Variants in COL18A1 observed in about 807,000 individuals in gnomAD.
COL18A1 encodes the protein collagen alpha-1(XVIII) chain.
Under a neutral mutation model 168.0 loss-of-function variants are expected in COL18A1, and 133 were observed. The observed-to-expected ratio is 0.79, with a 90% CI of 0.69 to 0.91. COL18A1 has a LOEUF of 0.91. Ranked by LOEUF, COL18A1 falls within the 40% of genes least tolerant of loss-of-function variation. The pLI is 0.00. For missense variants in COL18A1, 2,126 were observed against 1,925.4 expected (o/e 1.10, Z -1.95); for synonymous variants, 949 against 809.0 (o/e 1.17, Z -2.94).
rs1210693399 is a variant in COL18A1, at chr21:45,480,153, G to A, written c.1395G>A (p.Lys465=). ...CAGGACCCTCCTTCAGACACGACAAGCTGGTAAGTCCCGCCCTTGGCTTCC... is the reference window on the plus strand; with the variant it reads ...CAGGACCCTCCTTCAGACACGACAAACTGGTAAGTCCCGCCCTTGGCTTCC... ...GPPGPSFRHD[K]LTFIDMEGSG... Residue 465 remains lysine (K), a synonymous_variant, in exon 11 of 42, where the codon AAG becomes AAA. Transcript: ENST00000651438. 1.3e-6 allele frequency: 2 copies of A among 1,564,110 alleles called. No homozygotes were observed. The highest frequency in any genetic ancestry group is 8.8e-7 in the Non-Finnish European group (1 of 1,136,552).
chr21:45,441,510 C>T (rs116591355), intron 2 of COL18A1, among the ~76,000 whole-genome samples: 1,601 of 152,334 alleles, frequency 0.011, 26 homozygotes, highest in African/African-American at 0.037. Flanking sequence ...CAGCTCCTGG[C>T]CTGGAGGTGC....
chr21:45,510,239 C>T lies in COL18A1; in HGVS notation c.3671C>T (p.Ala1224Val), dbSNP rs1226295594. The stretch of plus-strand genomic sequence containing the variant: ...ATCGTGCGCCGTGCCGACCGCGCAG[C>T]CGTGCCCATCGTCAACCTCAAGGTG... ...YSIVRRADRAAVPIVNLKDEL... is the reference protein window; with the variant it reads ...YSIVRRADRAVVPIVNLKDEL... Residue 1224 changes from alanine to valine, a missense_variant, in exon 40 of 42, where the codon GCC (alanine) becomes GTC (valine). Ala to Val is a moderately conservative substitution (Grantham distance 64). Transcript: ENST00000651438. The T allele has an allele frequency of 4.4e-6, 7 of 1,605,894 alleles. No individual in the cohort carries two copies. In the African/African-American group the frequency reaches 6.7e-5, roughly 15 times the overall value.
chr21:45,504,411 C>T lies in COL18A1; in HGVS notation c.2728-5C>T, dbSNP rs751283786. On this transcript the variant is annotated splice_region_variant and splice_polypyrimidine_tract_variant and intron_variant, in intron 33 of 41. Coordinates refer to ENST00000651438, the MANE Select transcript of COL18A1 (RefSeq NM_001379500.1). ...CTCCCGTGTAACAAGTGTTTCCGTC[C>T]ACAGGGGGAGAAGGGAGACCGAGGT... 4 of 1,610,946 alleles carry T rather than the reference C, an allele frequency of 2.5e-6. No individual in the cohort carries two copies. The highest frequency in any genetic ancestry group is 2.2e-5 in the South Asian group (2 of 90,892).
chr21:45,506,042 G>A, intron 37 of COL18A1, 76 bp downstream of exon 37: 3 of 1,607,606 alleles, frequency 1.9e-6, no homozygotes, highest in South Asian at 1.1e-5. Flanking sequence ...GAAGGCGAGA[G>A]GCTCAGGCCC....
intron 32 of COL18A1, among the ~76,000 whole-genome samples, chr21:45,501,695 G>GA (rs1568935595): frequency 6.8e-6 from 1 of 147,072 alleles, no homozygotes; most frequent in Non-Finnish European, 1.5e-5. Flanking sequence ...ACCCCCAGGG[G>GA]CTCCACAGCC....
chr21:45,508,042 T>C (rs1290247184), intron 38 of COL18A1, among the ~76,000 whole-genome samples: 1 of 148,960 alleles, frequency 6.7e-6, no homozygotes, highest in Non-Finnish European at 1.5e-5. Context: ...AGTGGATACG[T>C]AGGTAGATGG....
In COL18A1 at chr21:45,477,457, T is replaced by C. The variant is rs776089474; in HGVS notation, c.975T>C (p.Ser325=). 4 of 1,612,564 alleles carry C rather than the reference T, an allele frequency of 2.5e-6. No individual in the cohort carries two copies. Among genetic ancestry groups the C allele is most frequent in the East Asian group, 2.2e-5 (1 of 44,828 alleles). Residue 325 remains serine (S), a synonymous_variant, in exon 7 of 42, where the codon AGT becomes AGC. Transcript: ENST00000651438. Reference sequence around the variant, plus strand: ...ATTCTGTCTCCACGTGGGACGGGAGTGTCCGGACCCCTGGGGGCCGCGTGA... The same window carrying C: ...ATTCTGTCTCCACGTGGGACGGGAGCGTCCGGACCCCTGGGGGCCGCGTGA... ...GSDSVSTWDG[S]VRTPGGRVKE... is the part of the protein sequence containing the mutation.
At chr21:45,488,644 C>T (rs1308417386) in intron 18 of COL18A1, among the ~76,000 whole-genome samples, 200 bp downstream of exon 18, 1 of 152,082 alleles carries the variant, frequency 6.6e-6, no homozygotes, top group Non-Finnish European at 1.5e-5. Flanking sequence ...AGACTTCCAG[C>T]GTTAAGGGGC....
At chr21:45,505,304 G>GGCAGA in intron 35 of COL18A1, 26 bp downstream of exon 35, 1 of 1,604,788 alleles carries the variant, frequency 6.2e-7, no homozygotes, top group Non-Finnish European at 8.5e-7. Context: ...GTGGGCCCCG[G>GGCAGA]GCAGAGGCCG....
intron 2 of COL18A1, among the ~76,000 whole-genome samples, chr21:45,455,195 G>A (rs1260630640): frequency 6.6e-6 from 1 of 152,258 alleles, no homozygotes. Context: ...CCCCAATCCA[G>A]AGACTCAGCA....
Position 45,443,778 on chromosome 21 carries a change from C to T in COL18A1, c.107-24464C>T, listed in dbSNP as rs902681696. 5.3e-5 allele frequency among the ~76,000 whole-genome samples: 8 copies of T among 152,172 alleles called. No homozygotes were observed. In the East Asian group the frequency reaches 7.7e-4, roughly 15 times the overall value. ...AGCAATGCGGCCCCGTGCCCCTTTA[C>T]GCGGCTCTGCTGGTGGAGAGGAATA... On this transcript the variant is annotated intron_variant, in intron 2 of 41. Coordinates refer to ENST00000651438, the MANE Select transcript of COL18A1 (RefSeq NM_001379500.1). This position sits in a 1 kb window ranked among gnomAD's most constrained non-coding sequence, Gnocchi z 5.2.
chr21:45,500,465 TGTG>T (rs1182228420), intron 32 of COL18A1, among the ~76,000 whole-genome samples: 2 of 67,022 alleles, frequency 3.0e-5, no homozygotes, highest in Non-Finnish European at 5.7e-5. Flanking sequence ...GGGTGTGTAG[TGTG>T]GGGGTGTGGT....
chr21:45,423,896 G>C lies in COL18A1; in HGVS notation c.106+18423G>C, dbSNP rs2033703050. On this transcript the variant is annotated intron_variant, in intron 2 of 41. Transcript: ENST00000651438. This position sits in a 1 kb window ranked among gnomAD's most constrained non-coding sequence, Gnocchi z 4.0. Reference sequence around the variant, plus strand: ...GGGCAGAGGCCTGACGCACTCAGCTGCTCGCCCAGGGCCCTCCTGTTGGGC... The same window carrying C: ...GGGCAGAGGCCTGACGCACTCAGCTCCTCGCCCAGGGCCCTCCTGTTGGGC... 1 of 152,256 alleles carries C rather than the reference G, an allele frequency of 6.6e-6. No homozygotes were observed. The highest frequency in any genetic ancestry group is 2.4e-5 in the African/African-American group (1 of 41,444). 9.4% of individuals were successfully genotyped at this position (152,256 alleles called of 1,614,324 possible). A position where few individuals can be genotyped will look rare whatever the true frequency, so the allele number is the denominator to read the frequency against.
chr21:45,499,359 A>G (rs897851457), intron 32 of COL18A1, among the ~76,000 whole-genome samples: 4 of 147,046 alleles, frequency 2.7e-5, no homozygotes, highest in African/African-American at 7.6e-5. Flanking sequence ...AGCGACAGGG[A>G]GGTCAGAGGC....
At chr21:45,509,769 C>T (rs994072841) in intron 39 of COL18A1, among the ~76,000 whole-genome samples, 168 bp downstream of exon 39, 5 of 152,188 alleles carry the variant, frequency 3.3e-5, no homozygotes, top group African/African-American at 9.7e-5. Flanking sequence ...TGGGACTTGC[C>T]CTCTGGTGGC....
In COL18A1 at chr21:45,473,579, G is replaced by A. The variant is rs79940942; in HGVS notation, c.652-316G>A. 0.019 allele frequency among the ~76,000 whole-genome samples: 2,946 copies of A among 152,200 alleles called. 94 individuals carry two copies. The highest frequency in any genetic ancestry group is 0.067 in the African/African-American group (2,763 of 41,508). On this transcript the variant is annotated intron_variant, in intron 3 of 41. Coordinates refer to ENST00000651438, the MANE Select transcript of COL18A1 (RefSeq NM_001379500.1). This position sits in a 1 kb window ranked among gnomAD's most constrained non-coding sequence, Gnocchi z 4.0. ...TGCCCGCCCTCCCAGGCCTTGGATC[G>A]AGCCACACCTGCTGTGGTTCTAAAC...
At chr21:45,474,396 T>A (rs1350075094) in intron 4 of COL18A1, among the ~76,000 whole-genome samples, 1 of 150,792 alleles carries the variant, frequency 6.6e-6, no homozygotes, top group Non-Finnish European at 1.5e-5. Flanking sequence ...GTTGTATGTG[T>A]GTCTCTGGTG....
intron 2 of COL18A1, among the ~76,000 whole-genome samples, chr21:45,450,060 G>A (rs1248042276): frequency 6.6e-6 from 1 of 152,224 alleles, no homozygotes; most frequent in Non-Finnish European, 1.5e-5. Context: ...AACCTTGACT[G>A]GCTGTGCCTG....
At chr21:45,497,174 CAGT>C in intron 31 of COL18A1, 82 bp downstream of exon 31, 1 of 913,630 alleles carries the variant, frequency 1.1e-6, no homozygotes, top group East Asian at 2.4e-5. Flanking sequence ...GTGCCAGCAG[CAGT>C]GAGACTCCCC....
Sources: gnomAD v4.1 joint callset for allele counts (sites outside exome capture counted in the v4.1 genomes callset) on GRCh38, gnomAD v4.1.1 for gene constraint, Gnocchi (gnomAD v3.1) non-coding constraint, MANE v1.5 for transcripts, NCBI Gene and HGNC (gene_info 2026-07-23, HGNC 2026-07-21) for gene names.